The following MINDY3 variants were observed in gnomAD, a reference collection of about 807,000 sequenced individuals.
The protein encoded by MINDY3 is MINDY lysine 48 deubiquitinase 3.
In MINDY3, 38 loss-of-function variants were observed where a neutral mutation model predicts 69.2. That is an observed-to-expected ratio of 0.55 (90% confidence interval 0.42 to 0.72). The LOEUF (loss-of-function observed/expected upper bound fraction) is 0.72, where lower values mean the gene tolerates loss of function less well. Ranked by LOEUF, MINDY3 falls within the 30% of genes least tolerant of loss-of-function variation. The pLI, the probability that MINDY3 is intolerant of heterozygous loss-of-function variation, is 0.00. For synonymous variants in MINDY3, 192 were observed against 180.1 expected, an observed-to-expected ratio of 1.07 and a Z score of -0.53; for missense variants, 522 against 519.0, an observed-to-expected ratio of 1.01 and a Z score of -0.06.
At chr10:15,844,054 A>G (rs1297001606) in intron 2 of MINDY3, among the ~76,000 whole-genome samples, 1 of 152,162 alleles carries the variant, frequency 6.6e-6, no homozygotes, top group Non-Finnish European at 1.5e-5. Flanking sequence ...ACTGCTTTTT[A>G]TCAGGCAAAC....
At chr10:15,789,175 A>G (rs1266275385) in intron 12 of MINDY3, 72 bp downstream of exon 12, 8 of 1,284,274 alleles carry the variant, frequency 6.2e-6, no homozygotes, top group Admixed American at 1.8e-5. Flanking sequence ...AAAAGGCAAA[A>G]AATGTACAAT....
chr10:15,837,232 A>T lies in MINDY3; in HGVS notation c.548T>A (p.Leu183His), dbSNP rs753986883. The change falls in exon 6 of 15, where the codon CTT becomes CAT. Residue 183 changes from leucine to histidine, a missense_variant. Transcript: ENST00000277632. ...TGTCAGTAATACAGAATACAGAAAA[A>T]GCAATACTCCAAATTTATTTCCCCA... Reference protein sequence around the residue: ...SMWGNKFGVLLFLYSVLLTKG... With the variant: ...SMWGNKFGVLHFLYSVLLTKG... The T allele has an allele frequency of 1.2e-6, 2 of 1,603,652 alleles. No homozygotes were observed.
At chr10:15,814,557 C>T (rs1256503592) in intron 10 of MINDY3, among the ~76,000 whole-genome samples, 3 of 151,582 alleles carry the variant, frequency 2.0e-5, no homozygotes, top group Non-Finnish European at 4.4e-5. Flanking sequence ...AAGAGTTCTA[C>T]ACCCACATGG....
At chr10:15,849,590 T>C (rs1320722414) in intron 1 of MINDY3, among the ~76,000 whole-genome samples, 1 of 152,050 alleles carries the variant, frequency 6.6e-6, no homozygotes, top group Non-Finnish European at 1.5e-5. Context: ...ATTTCTGAGG[T>C]AAAAATAAGA....
intron 10 of MINDY3, among the ~76,000 whole-genome samples, chr10:15,815,429 T>G (rs1263482381): frequency 6.6e-6 from 1 of 152,208 alleles, no homozygotes; most frequent in East Asian, 1.9e-4. Context: ...TCACGAAACT[T>G]AGCATTGTCA....
At chr10:15,831,198 G>C (rs1840432760) in intron 8 of MINDY3, among the ~76,000 whole-genome samples, 1 of 152,156 alleles carries the variant, frequency 6.6e-6, no homozygotes, top group South Asian at 2.1e-4. Flanking sequence ...ACAATGTGCA[G>C]TCAGCAGTAA....
At chr10:15,794,160 T>G (rs1172290131) in intron 11 of MINDY3, among the ~76,000 whole-genome samples, 2 of 152,076 alleles carry the variant, frequency 1.3e-5, no homozygotes, top group African/African-American at 4.8e-5. Flanking sequence ...AAAAGCATTC[T>G]GAGGAGGGTG....
At chr10:15,813,978 C>CAAAAAAAAAAAAA (rs777561427) in intron 10 of MINDY3, among the ~76,000 whole-genome samples, 9 of 66,252 alleles carry the variant, frequency 1.4e-4, no homozygotes, top group Non-Finnish European at 1.9e-4. Flanking sequence ...CACCAAAACT[C>CAAAAAAAAAAAAA]AAAAAAAAAA....
intron 10 of MINDY3, among the ~76,000 whole-genome samples, chr10:15,816,565 A>C (rs1839383541): frequency 6.7e-6 from 1 of 148,278 alleles, no homozygotes. Context: ...TTTCTCTATA[A>C]CACAAGTGAT....
chr10:15,789,236 A>C lies in MINDY3; in HGVS notation c.1028+11T>G. On this transcript the variant is annotated intron_variant, in intron 12 of 14. Transcript: ENST00000277632. ...TTGAGTTGGCTAAATAACACTTCCT[A>C]TTTAGCTTACTATTCAGGATCTGAA... The C allele has an allele frequency of 6.3e-7, 1 of 1,598,686 alleles. No homozygotes were observed. The highest frequency in any genetic ancestry group is 8.6e-7 in the Non-Finnish European group (1 of 1,167,154).
chr10:15,822,998 C>T (rs997504802), intron 8 of MINDY3, among the ~76,000 whole-genome samples: 2 of 151,974 alleles, frequency 1.3e-5, no homozygotes, highest in South Asian at 4.1e-4. Flanking sequence ...ATCCTTTTTA[C>T]CATCTGGTCA....
intron 1 of MINDY3, among the ~76,000 whole-genome samples, chr10:15,859,969 C>T (rs748361173): frequency 6.6e-6 from 1 of 152,232 alleles, no homozygotes; most frequent in Non-Finnish European, 1.5e-5. Context: ...CGAAGGGCAG[C>T]CCGGAGGATG....
intron 13 of MINDY3, among the ~76,000 whole-genome samples, chr10:15,786,248 AG>A (rs1403227101): frequency 6.6e-6 from 1 of 152,174 alleles, no homozygotes; most frequent in African/African-American, 2.4e-5. Flanking sequence ...TCCTGAGAGA[AG>A]AAAAGTGGGG....
intron 10 of MINDY3, among the ~76,000 whole-genome samples, chr10:15,814,336 CTA>C (rs1161526007): frequency 1.1e-4 from 17 of 151,988 alleles, no homozygotes; most frequent in Admixed American, 3.9e-4. Context: ...AAGAAAGTAT[CTA>C]TAGATACTAC....
rs1834347065 is a variant in MINDY3, at chr10:15,852,169, A to G, written c.95-4226T>C. ...GTAGTTATTGTTTGTTTACTTCTTA[A>G]TCATCTGCCTTGCCTGACCGGTGTT... On this transcript the variant is annotated intron_variant, in intron 1 of 14. Transcript: ENST00000277632. Among the ~76,000 whole-genome samples the G allele has an allele frequency of 1.3e-5, 2 of 152,078 alleles. 1 individual carries two copies. Among genetic ancestry groups the G allele is most frequent in the South Asian group, 4.2e-4 (2 of 4,816 alleles).
chr10:15,855,636 CTT>C (rs1028350905), intron 1 of MINDY3, among the ~76,000 whole-genome samples: 2 of 152,092 alleles, frequency 1.3e-5, no homozygotes, highest in Non-Finnish European at 2.9e-5. Context: ...TTTTCAATCT[CTT>C]GTTTTCATAT....
chr10:15,835,143 G>A (rs1289041450), intron 6 of MINDY3, among the ~76,000 whole-genome samples: 1 of 151,958 alleles, frequency 6.6e-6, no homozygotes. Flanking sequence ...AATGTATACT[G>A]ACAAAATGCA....
intron 2 of MINDY3, among the ~76,000 whole-genome samples, 156 bp from the exon 3 acceptor site, chr10:15,843,428 G>T (rs901192534): frequency 1.3e-5 from 2 of 151,994 alleles, no homozygotes; most frequent in South Asian, 4.1e-4. Context: ...ACATTTGACA[G>T]GAACTGTGCA....
chr10:15,828,335 GTA>G (rs1174810915), intron 8 of MINDY3, among the ~76,000 whole-genome samples: 2 of 152,160 alleles, frequency 1.3e-5, no homozygotes, highest in East Asian at 3.9e-4. Context: ...ACCGGATAGC[GTA>G]TGAGTCTATT....
Sources: allele counts gnomAD v4.1 joint callset (sites outside exome capture counted in the v4.1 genomes callset), GRCh38; gene constraint gnomAD v4.1.1; transcripts MANE v1.5; gene names NCBI Gene and HGNC (gene_info 2026-07-23, HGNC 2026-07-21).